GNAO1: variants seen among roughly 807,000 people sequenced by gnomAD.
GNAO1 encodes G protein subunit alpha o1, also known as guanine nucleotide-binding protein G(o) subunit alpha.
For synonymous variants in GNAO1, 164 were observed against 180.7 expected (o/e 0.91, Z 0.74); for missense variants, 166 against 478.7 (o/e 0.35, Z 6.10).
chr16:56,229,413 G>A (rs1257857463), intron 2 of GNAO1, among the ~76,000 whole-genome samples: 1 of 152,062 alleles, frequency 6.6e-6, no homozygotes, highest in Non-Finnish European at 1.5e-5. Context: ...TCACCATGTT[G>A]GCCAGGCTGG....
intron 6 of GNAO1, chr16:56,347,875 C>T (rs960882222): frequency 5.4e-5 from 53 of 979,484 alleles, no homozygotes; most frequent in Non-Finnish European, 5.9e-5. Flanking sequence ...TTCTCTACTC[C>T]GCTGGTTCTG....
intron 2 of GNAO1, among the ~76,000 whole-genome samples, chr16:56,272,881 C>T (rs1391206411): frequency 3.9e-5 from 6 of 152,138 alleles, no homozygotes; most frequent in African/African-American, 7.2e-5. Context: ...CCAAATGAAG[C>T]ATGAGAAACT....
At chr16:56,221,520 T>C (rs553982209) in intron 2 of GNAO1, among the ~76,000 whole-genome samples, 1 of 151,830 alleles carries the variant, frequency 6.6e-6, no homozygotes, top group Non-Finnish European at 1.5e-5. Context: ...TGTGGTGGTG[T>C]ACACTTGTAA....
chr16:56,199,852 TGCTTTTCATA>T, intron 2 of GNAO1, among the ~76,000 whole-genome samples: 1 of 152,352 alleles, frequency 6.6e-6, no homozygotes, highest in East Asian at 1.9e-4. Flanking sequence ...AAAAACATTG[TGCTTTTCATA>T]GCACCAAAAA....
At chr16:56,345,936 A>G in intron 6 of GNAO1, 1 of 985,438 alleles carries the variant, frequency 1.0e-6, no homozygotes, top group Non-Finnish European at 1.2e-6. Context: ...AGGGCTCTCC[A>G]TGTCCCCCAG....
At chr16:56,268,103 A>G (rs185527483) in intron 2 of GNAO1, among the ~76,000 whole-genome samples, 1 of 152,254 alleles carries the variant, frequency 6.6e-6, no homozygotes, top group Admixed American at 6.5e-5. Flanking sequence ...CTCTGCCACA[A>G]ACTAAATGTG....
At chr16:56,306,312 C>T (rs1360376756) in intron 3 of GNAO1, among the ~76,000 whole-genome samples, 1 of 152,222 alleles carries the variant, frequency 6.6e-6, no homozygotes, top group Non-Finnish European at 1.5e-5. Context: ...GGGAAATCCC[C>T]TTCATCGTTG....
At chr16:56,324,342 G>A (rs191639303) in intron 3 of GNAO1, among the ~76,000 whole-genome samples, 1 of 152,296 alleles carries the variant, frequency 6.6e-6, no homozygotes, top group East Asian at 1.9e-4. Context: ...GTCTTGCCTC[G>A]CAGGCGTCCC....
chr16:56,351,914 A>G lies in GNAO1; in HGVS notation c.877+377A>G, dbSNP rs1419218519. The G allele has an allele frequency of 2.6e-5, 5 of 194,558 alleles. No individual in the cohort carries two copies. Among genetic ancestry groups the G allele is most frequent in the African/African-American group, 1.2e-4 (5 of 42,808 alleles). The allele number at this position is 194,558 out of a possible 1,614,324, so 12.1% of individuals were successfully genotyped here. On this transcript the variant is annotated intron_variant, in intron 7 of 8. Transcript: ENST00000262493. The surrounding 1 kb of genome is among the most constrained non-coding windows in gnomAD (Gnocchi z 6.1). ...TCCCCTCACCCCTGCCCAGAGCCCC[A>G]CAGCACCTTTGCATGAAACCGAAAA...
At chr16:56,193,946 C>T (rs2036206164) in intron 2 of GNAO1, 1 of 362,378 alleles carries the variant, frequency 2.8e-6, no homozygotes. Context: ...GAAATAATTG[C>T]ATCGCGTAGG....
intron 2 of GNAO1, among the ~76,000 whole-genome samples, chr16:56,201,967 A>G (rs1347019885): frequency 3.3e-5 from 5 of 152,310 alleles, no homozygotes. Flanking sequence ...TTGAGTGGCG[A>G]GAGCCATAGA....
In GNAO1 at chr16:56,349,753, C is replaced by T. The variant is rs553219294; in HGVS notation, c.724-1631C>T. ...GGTGCCCCTGAGAGGCAGCTGAGAA[C>T]GCTGCCCTCCGCCGACCAACTTCAG... On this transcript the variant is annotated intron_variant, in intron 6 of 8. Coordinates refer to ENST00000262493, the MANE Select transcript of GNAO1 (RefSeq NM_020988.3). 3.3e-5 allele frequency among the ~76,000 whole-genome samples: 5 copies of T among 152,250 alleles called. No individual in the cohort carries two copies. The South Asian group carries it at 6.2e-4, about 19-fold the overall frequency.
chr16:56,280,986 C>T (rs2037108817), intron 3 of GNAO1, among the ~76,000 whole-genome samples: 1 of 152,104 alleles, frequency 6.6e-6, no homozygotes, highest in Admixed American at 6.5e-5. Context: ...CTAATTTGTC[C>T]TGTTATTTAA....
At chr16:56,275,873 C>T in intron 2 of GNAO1, 58 bp from the exon 3 acceptor site, 2 of 1,484,664 alleles carry the variant, frequency 1.3e-6, no homozygotes, top group South Asian at 1.4e-5. Context: ...TGCCTGTGCT[C>T]TCTGTGTTGA....
intron 2 of GNAO1, among the ~76,000 whole-genome samples, chr16:56,245,834 G>A (rs1220733148): frequency 6.6e-6 from 1 of 152,188 alleles, no homozygotes; most frequent in African/African-American, 2.4e-5. Context: ...CAAGTCTGGA[G>A]GGTAGACTTA....
intron 2 of GNAO1, among the ~76,000 whole-genome samples, chr16:56,255,165 A>G (rs1319832566): frequency 6.6e-6 from 1 of 152,186 alleles, no homozygotes; most frequent in Non-Finnish European, 1.5e-5. Context: ...CTTCTTTAGC[A>G]GTTCCATTCC....
intron 2 of GNAO1, among the ~76,000 whole-genome samples, chr16:56,253,939 C>A (rs901541995): frequency 3.9e-5 from 6 of 152,198 alleles, no homozygotes; most frequent in Admixed American, 6.5e-5. Flanking sequence ...TTCCAGTGTA[C>A]ACGGGGCATT....
chr16:56,307,487 G>A (rs1017024163), intron 3 of GNAO1: 1 of 152,154 alleles, frequency 6.6e-6, no homozygotes, highest in African/African-American at 2.4e-5. Context: ...ACATAGATCT[G>A]GGCACATGCA....
chr16:56,304,765 C>T (rs1200830471), intron 3 of GNAO1, among the ~76,000 whole-genome samples: 1 of 152,244 alleles, frequency 6.6e-6, no homozygotes, highest in African/African-American at 2.4e-5. Flanking sequence ...TCATCCATGA[C>T]TCAGTTTCAG....
Sources: allele counts gnomAD v4.1 joint callset (sites outside exome capture counted in the v4.1 genomes callset), GRCh38; gene constraint gnomAD v4.1.1; non-coding constraint Gnocchi (gnomAD v3.1); transcripts MANE v1.5; gene names NCBI Gene and HGNC (gene_info 2026-07-23, HGNC 2026-07-21).